Variants in MYT1L observed in about 807,000 individuals in gnomAD.
MYT1L encodes the protein myelin transcription factor 1 like, also known as myelin transcription factor 1-like protein.
MYT1L carries 12 observed loss-of-function variants against 126.7 expected under a neutral mutation model. That is an observed-to-expected ratio of 0.09 (90% CI 0.06 to 0.15). The LOEUF (loss-of-function observed/expected upper bound fraction) is 0.15. MYT1L is among the 10% of genes least tolerant of loss of function. MYT1L has a pLI of 1.00. For missense variants in MYT1L, 979 were observed against 1,585.2 expected, an observed-to-expected ratio of 0.62 and a Z score of 6.49; for synonymous variants, 541 against 604.2, an observed-to-expected ratio of 0.90 and a Z score of 1.53.
chr2:2,235,229 C>T (rs920694317), intron 2 of MYT1L, among the ~76,000 whole-genome samples: 1 of 150,490 alleles, frequency 6.6e-6, no homozygotes, highest in African/African-American at 2.5e-5. Flanking sequence ...CCCTTAGAGG[C>T]GTGTGTATAG....
At chr2:2,082,602 T>C (rs1617213) in intron 3 of MYT1L, among the ~76,000 whole-genome samples, 51,330 of 152,038 alleles carry the variant, frequency 0.34, 10,900 homozygotes, top group African/African-American at 0.61. Flanking sequence ...TGTGAGAATG[T>C]TTTATGGGAA....
chr2:2,293,050 AG>A (rs2095622190), intron 1 of MYT1L, among the ~76,000 whole-genome samples: 1 of 152,196 alleles, frequency 6.6e-6, no homozygotes, highest in African/African-American at 2.4e-5. Context: ...GACAGGATCA[AG>A]AAGATAGAGG....
chr2:2,066,882 G>C (rs1431572129), intron 3 of MYT1L, among the ~76,000 whole-genome samples: 1 of 152,196 alleles, frequency 6.6e-6, no homozygotes, highest in Non-Finnish European at 1.5e-5. Flanking sequence ...TACAAAACCA[G>C]TAACACATTT....
intron 2 of MYT1L, among the ~76,000 whole-genome samples, chr2:2,259,116 C>T (rs1230881198): frequency 1.1e-4 from 3 of 26,172 alleles, no homozygotes; most frequent in African/African-American, 1.8e-4. Context: ...AAATTGGAAA[C>T]CATCATTCTC....
intron 14 of MYT1L, among the ~76,000 whole-genome samples, chr2:1,898,324 T>C (rs116049348): frequency 3.3e-4 from 51 of 152,362 alleles, no homozygotes; most frequent in African/African-American, 9.9e-4. Flanking sequence ...CTGAGTCTCA[T>C]AGTCTTTACA....
chr2:1,889,314 C>G lies in MYT1L; in HGVS notation c.2447G>C (p.Cys816Ser). 6.2e-7 allele frequency: 1 copy of G among 1,613,860 alleles called. No homozygotes were observed. The highest frequency in any genetic ancestry group is 1.1e-5 in the South Asian group (1 of 91,068). The change falls in exon 16 of 25, where the codon TGC becomes TCC. Residue 816 changes from cysteine (C) to serine (S), a missense_variant. Physicochemically the swap from Cys to Ser is moderately radical, Grantham distance 112. Transcript: ENST00000647738. The surrounding 1 kb of genome is among the most constrained non-coding windows in gnomAD (Gnocchi z 4.1). ...NRCFQLGEGDCWDLPVDYTKM... is the reference protein window; with the variant it reads ...NRCFQLGEGDSWDLPVDYTKM... ...GGTGTAGTCTACGGGCAAGTCCCAG[C>G]AGTCGCCCTCGCCCAGCTGGAAACA...
In MYT1L at chr2:1,889,165, G is replaced by A. The variant is rs2048515937; in HGVS notation, c.2520+76C>T. The A allele has an allele frequency of 7.2e-6, 8 of 1,109,650 alleles. No individual in the cohort carries two copies. Among genetic ancestry groups the A allele is most frequent in the Middle Eastern group, 4.1e-4 (2 of 4,886 alleles). 68.7% of individuals were successfully genotyped at this position (1,109,650 alleles called of 1,614,324 possible). ...AAATATATTTTCTCATAACGTATGT[G>A]CAAATGGCTTTTCTTTCAGCTGGGG... On this transcript the variant is annotated intron_variant, in intron 16 of 24. Coordinates refer to ENST00000647738, the MANE Select transcript of MYT1L (RefSeq NM_001303052.2). This position sits in a 1 kb window ranked among gnomAD's most constrained non-coding sequence, Gnocchi z 4.1.
At chr2:1,945,538 T>C (rs2149277465) in intron 8 of MYT1L, among the ~76,000 whole-genome samples, 1 of 152,308 alleles carries the variant, frequency 6.6e-6, no homozygotes, top group Non-Finnish European at 1.5e-5. Context: ...GGAGCTTGCA[T>C]TGCCCATGGC....
At chr2:2,300,201 T>C (rs2095762035) in intron 1 of MYT1L, among the ~76,000 whole-genome samples, 1 of 152,210 alleles carries the variant, frequency 6.6e-6, no homozygotes, top group Admixed American at 6.5e-5. Flanking sequence ...GACATTCAAA[T>C]AAATATATGT....
intron 4 of MYT1L, among the ~76,000 whole-genome samples, chr2:2,024,879 C>A (rs2065376807): frequency 1.3e-5 from 2 of 152,238 alleles, no homozygotes; most frequent in Admixed American, 6.5e-5. Context: ...TGCAGGGCTT[C>A]TGCATCTTTT....
intron 2 of MYT1L, among the ~76,000 whole-genome samples, chr2:2,178,238 T>C (rs1436071168): frequency 6.6e-6 from 1 of 152,142 alleles, no homozygotes; most frequent in Non-Finnish European, 1.5e-5. Flanking sequence ...AAATTTAGGT[T>C]AGAAATTTAC....
In MYT1L at chr2:1,912,263, G is replaced by T; in HGVS notation, c.1619-153C>A. Among the ~76,000 whole-genome samples the T allele has an allele frequency of 6.6e-6, 1 of 152,182 alleles. No individual in the cohort carries two copies. Among genetic ancestry groups the T allele is most frequent in the South Asian group, 2.1e-4 (1 of 4,824 alleles). On this transcript the variant is annotated intron_variant, in intron 11 of 24. Coordinates refer to ENST00000647738, the MANE Select transcript of MYT1L (RefSeq NM_001303052.2). This position sits in a 1 kb window ranked among gnomAD's most constrained non-coding sequence, Gnocchi z 4.3. ...GGCATGGCCAGGAAAACACACATGG[G>T]AGGAGAAAGAAGGTTGACTGGACCC...
intron 22 of MYT1L, among the ~76,000 whole-genome samples, chr2:1,804,463 A>G (rs901684633): frequency 3.3e-5 from 5 of 152,224 alleles, no homozygotes; most frequent in African/African-American, 1.2e-4. Flanking sequence ...TTGGCCTGCA[A>G]GCTGTCAGGA....
intron 2 of MYT1L, among the ~76,000 whole-genome samples, chr2:2,262,082 A>T (rs1420161014): frequency 6.6e-6 from 1 of 152,170 alleles, no homozygotes; most frequent in Non-Finnish European, 1.5e-5. Context: ...AGGAGTCTGG[A>T]GTTTTTGTGT....
chr2:1,931,663 C>T (rs1337107778), intron 9 of MYT1L, among the ~76,000 whole-genome samples: 1 of 152,116 alleles, frequency 6.6e-6, no homozygotes, highest in Non-Finnish European at 1.5e-5. Flanking sequence ...GTGTGTTGTT[C>T]TCTGTATGGT....
At chr2:2,097,689 A>G (rs1451920115) in intron 3 of MYT1L, among the ~76,000 whole-genome samples, 1 of 152,144 alleles carries the variant, frequency 6.6e-6, no homozygotes, top group Non-Finnish European at 1.5e-5. Flanking sequence ...AGAGGAGGGC[A>G]AGGATGTGAG....
At chr2:1,935,191 CT>C (rs2055697626) in intron 9 of MYT1L, among the ~76,000 whole-genome samples, 1 of 152,202 alleles carries the variant, frequency 6.6e-6, no homozygotes, top group Admixed American at 6.5e-5. Context: ...ATTCTGCCCC[CT>C]GTAAAGAACC....
At position 2,127,695 on chromosome 2, in the gene MYT1L, C is replaced by T. The variant is rs537238646; in HGVS notation, c.-304+45177G>A. Among the ~76,000 whole-genome samples, 4 of 152,294 alleles carry T rather than the reference C, an allele frequency of 2.6e-5. No individual in the cohort carries two copies. In the South Asian group the frequency reaches 8.3e-4, roughly 32 times the overall value. ...TGTCTGGACTGAGCTCCGCAGCTCTCATGCAGTGCTCCACTGAGCTGCTGG... is the reference window on the plus strand; with the variant it reads ...TGTCTGGACTGAGCTCCGCAGCTCTTATGCAGTGCTCCACTGAGCTGCTGG... On this transcript the variant is annotated intron_variant, in intron 3 of 24. Transcript: ENST00000647738.
chr2:2,005,120 CTTCTTTCCTGCATGCA>C (rs1310717619), intron 4 of MYT1L, among the ~76,000 whole-genome samples: 77 of 137,016 alleles, frequency 5.6e-4, no homozygotes, highest in African/African-American at 2.0e-3. Flanking sequence ...TCCTGCTTGC[CTTCTTTCCTGCATGCA>C]TTCTTTCCTG....
Sources: gnomAD v4.1 joint callset for allele counts (sites outside exome capture counted in the v4.1 genomes callset) on GRCh38, gnomAD v4.1.1 for gene constraint, Gnocchi (gnomAD v3.1) non-coding constraint, MANE v1.5 for transcripts, NCBI Gene and HGNC (gene_info 2026-07-23, HGNC 2026-07-21) for gene names.